The following CD5L variants were observed in gnomAD, a reference collection of about 807,000 sequenced individuals.
CD5L encodes CD5 molecule like.
CD5L carries 39 observed loss-of-function variants against 40.8 expected under a neutral mutation model. The ratio of observed to expected loss-of-function variants is 0.96; its 90% CI spans 0.74 to 1.25. CD5L has a LOEUF of 1.25. Among genes scored for constraint, CD5L ranks in the 50% most tolerant of loss-of-function variants. The pLI is 0.00. For missense variants in CD5L, 433 were observed against 435.9 expected (o/e 0.99, Z 0.06); for synonymous variants, 192 against 169.6 (o/e 1.13, Z -1.03).
chr1:157,830,779 G>A (rs1015153744), downstream of CD5L: 17 of 203,576 alleles, frequency 8.4e-5, no homozygotes, highest in Non-Finnish European at 1.5e-4. Context: ...CACACCCAGA[G>A]GACAGCTTTT....
rs754454170 is a variant in CD5L, at chr1:157,836,019, C to G, written c.192G>C (p.Glu64Asp). Residue 64 changes from glutamate (E) to aspartate (D), a missense_variant, in exon 3 of 6, where the codon GAG becomes GAC. Physicochemically the swap from Glu to Asp is conservative, Grantham distance 45. Transcript: ENST00000368174. ...DIKDVAVLCR[E>D]LGCGAASGTP... ...TTCCGCTGGCAGCTCCACAGCCCAG[C>G]TCCCGGCACAACACAGCCACGTCCT... 1 of 1,614,096 alleles carries G rather than the reference C, an allele frequency of 6.2e-7. No homozygotes were observed. The highest frequency in any genetic ancestry group is 1.3e-5 in the African/African-American group (1 of 74,928).
At chr1:157,832,438 G>C (rs1656075135) in intron 5 of CD5L, among the ~76,000 whole-genome samples, 1 of 152,206 alleles carries the variant, frequency 6.6e-6, no homozygotes, top group Non-Finnish European at 1.5e-5. Context: ...TCCAGAGTTA[G>C]TGGTTTAACC....
intron 4 of CD5L, 62 bp from the exon 5 acceptor site, chr1:157,833,574 T>A (rs747045420): frequency 1.5e-6 from 2 of 1,302,560 alleles, no homozygotes; most frequent in East Asian, 2.3e-5. Context: ...AAAAATAAGA[T>A]CATTTATTTT....
At chr1:157,830,822 C>A (rs1359395675), downstream of CD5L, 1 of 451,668 alleles carries the variant, frequency 2.2e-6, no homozygotes, top group Non-Finnish European at 2.9e-6. Context: ...AGGTTCTCTT[C>A]TACCTAACCC....
rs1488694275 is a variant in CD5L, at chr1:157,831,021, C to CA, written c.*942dup. 3 of 985,106 alleles carry CA rather than the reference C, an allele frequency of 3.0e-6. No homozygotes were observed. Among genetic ancestry groups the CA allele is most frequent in the Non-Finnish European group, 3.6e-6 (3 of 829,822 alleles). The allele number at this position is 985,106 out of a possible 1,614,324, so 61.0% of individuals were successfully genotyped here. ...ATCTAAAGTTGTCAATTTTTACAAT[C>CA]AAGTCTTGATTCTCTTATTTCTGTC... is the stretch of plus-strand genomic sequence containing the variant. On this transcript the variant is annotated 3_prime_UTR_variant, in exon 6 of 6. Coordinates refer to ENST00000368174, the MANE Select transcript of CD5L (RefSeq NM_005894.3).
Sources: gnomAD v4.1 joint callset for allele counts (sites outside exome capture counted in the v4.1 genomes callset) on GRCh38, gnomAD v4.1.1 for gene constraint, MANE v1.5 for transcripts, NCBI Gene and HGNC (gene_info 2026-07-23, HGNC 2026-07-21) for gene names.